The following RTTN variants were observed in gnomAD, a reference collection of about 807,000 sequenced individuals.
The protein encoded by RTTN is rotatin.
RTTN carries 182 observed loss-of-function variants against 269.2 expected under a neutral mutation model. That is an observed-to-expected ratio of 0.68 (90% CI 0.60 to 0.76). RTTN has a LOEUF of 0.76. RTTN is among the 30% of genes least tolerant of loss of function. RTTN has a pLI of 0.00. For missense variants in RTTN, 2,545 were observed against 2,608.6 expected (o/e 0.98, Z 0.53); for synonymous variants, 1,006 against 963.5 (o/e 1.04, Z -0.82).
At chr18:70,076,100 G>A (rs1599408867) in intron 32 of RTTN, among the ~76,000 whole-genome samples, 1 of 151,882 alleles carries the variant, frequency 6.6e-6, no homozygotes, top group Non-Finnish European at 1.5e-5. Context: ...CTGCCACCAG[G>A]AGGCTGAAAA....
intron 36 of RTTN, among the ~76,000 whole-genome samples, chr18:70,059,099 A>G (rs992549584): frequency 1.3e-5 from 2 of 152,164 alleles, no homozygotes; most frequent in East Asian, 3.9e-4. Context: ...ACTGAACACC[A>G]GAAGAAAAGA....
intron 32 of RTTN, among the ~76,000 whole-genome samples, chr18:70,077,248 T>C (rs1271255973): frequency 6.6e-6 from 1 of 152,014 alleles, no homozygotes; most frequent in Non-Finnish European, 1.5e-5. Context: ...TTATGCAATT[T>C]TTCATATTTT....
chr18:70,087,523 C>A (rs1166374723), intron 31 of RTTN, among the ~76,000 whole-genome samples: 1 of 151,762 alleles, frequency 6.6e-6, no homozygotes, highest in Non-Finnish European at 1.5e-5. Context: ...AAACCATTTA[C>A]ATGAATCATT....
chr18:70,044,707 C>T (rs371297901), intron 40 of RTTN, among the ~76,000 whole-genome samples: 1 of 152,122 alleles, frequency 6.6e-6, no homozygotes, highest in African/African-American at 2.4e-5. Context: ...CATCCTTCTT[C>T]GTCTTGTGAT....
chr18:70,044,644 T>A (rs2057441338), intron 40 of RTTN, among the ~76,000 whole-genome samples: 1 of 152,170 alleles, frequency 6.6e-6, no homozygotes, highest in East Asian at 1.9e-4. Flanking sequence ...ATAAAAATTA[T>A]GTGATTGTGG....
At chr18:70,087,064 C>T (rs1327848824) in intron 31 of RTTN, among the ~76,000 whole-genome samples, 1 of 152,026 alleles carries the variant, frequency 6.6e-6, no homozygotes, top group Non-Finnish European at 1.5e-5. Flanking sequence ...CACACACACA[C>T]ACACACAAAC....
At position 70,199,160 on chromosome 18, in the gene RTTN, C is replaced by T. The variant is rs538616231; in HGVS notation, c.578+254G>A. On this transcript the variant is annotated intron_variant, in intron 5 of 48. Transcript: ENST00000640769. The stretch of plus-strand genomic sequence containing the variant: ...CAGATGGTGCCATTGCACTCCAGCC[C>T]GGGTGACAGAGTGAGACTCTGTCTC... Among the ~76,000 whole-genome samples the T allele has an allele frequency of 3.8e-4, 57 of 151,774 alleles. 1 individual carries two copies. In the South Asian group the frequency reaches 8.0e-3, roughly 21 times the overall value.
chr18:70,017,300 G>C, intron 46 of RTTN, 107 bp downstream of exon 46: 1 of 1,082,112 alleles, frequency 9.2e-7, no homozygotes, highest in South Asian at 1.6e-5. Flanking sequence ...TGAACACAGT[G>C]GGTGCTTAAT....
intron 10 of RTTN, among the ~76,000 whole-genome samples, chr18:70,183,639 G>A (rs929153885): frequency 6.6e-6 from 1 of 152,098 alleles, no homozygotes; most frequent in Non-Finnish European, 1.5e-5. Flanking sequence ...ATTCTTTGTT[G>A]TGGTGAGCTG....
chr18:70,193,796 T>A (rs1409404347), intron 7 of RTTN, among the ~76,000 whole-genome samples: 1 of 152,202 alleles, frequency 6.6e-6, no homozygotes, highest in Non-Finnish European at 1.5e-5. Flanking sequence ...TAATTCAAAG[T>A]GGATCAACAA....
intron 28 of RTTN, among the ~76,000 whole-genome samples, chr18:70,105,655 T>C (rs1346566898): frequency 1.3e-5 from 2 of 152,182 alleles, no homozygotes; most frequent in Non-Finnish European, 2.9e-5. Context: ...TTAAAGGGAC[T>C]CCAGTGAAAT....
rs762515749 is a variant in RTTN, at chr18:70,176,864, C to G, written c.1306-19G>C. ...TCTCCTTCTGAAAACATTTACACAA[C>G]ATGAAACAGAAGAAAACAACCAATT... is the stretch of plus-strand genomic sequence containing the variant. On this transcript the variant is annotated intron_variant, in intron 10 of 48. Transcript: ENST00000640769. The G allele has an allele frequency of 2.5e-6, 4 of 1,600,228 alleles. No homozygotes were observed. The highest frequency in any genetic ancestry group is 2.6e-6 in the Non-Finnish European group (3 of 1,172,956).
chr18:70,115,096 T>C (rs757745194), intron 26 of RTTN, among the ~76,000 whole-genome samples: 21 of 152,094 alleles, frequency 1.4e-4, no homozygotes, highest in Non-Finnish European at 2.9e-4. Flanking sequence ...TGATGCATAA[T>C]TTCACTAAGC....
At chr18:70,048,837 G>A (rs1345690807) in intron 39 of RTTN, among the ~76,000 whole-genome samples, 1 of 151,334 alleles carries the variant, frequency 6.6e-6, no homozygotes, top group Non-Finnish European at 1.5e-5. Context: ...AATGTATATG[G>A]GCATATGAGA....
intron 13 of RTTN, 27 bp from the exon 14 acceptor site, chr18:70,166,215 C>T (rs1192130770): frequency 6.2e-7 from 1 of 1,610,222 alleles, no homozygotes. Context: ...ACAACCAAGA[C>T]ATGTGAGGCA....
At chr18:70,074,298 T>A (rs886451948) in intron 33 of RTTN, among the ~76,000 whole-genome samples, 18 of 152,070 alleles carry the variant, frequency 1.2e-4, no homozygotes, top group African/African-American at 4.3e-4. Flanking sequence ...TCACAGAAGA[T>A]GCCAATGCTG....
intron 23 of RTTN, among the ~76,000 whole-genome samples, chr18:70,132,258 A>G (rs932458345): frequency 1.3e-5 from 2 of 152,082 alleles, no homozygotes; most frequent in Non-Finnish European, 2.9e-5. Flanking sequence ...ATAATAAAGT[A>G]GACACAGGGA....
chr18:70,194,226 T>C (rs748760866), intron 7 of RTTN: 1 of 152,190 alleles, frequency 6.6e-6, no homozygotes, highest in Non-Finnish European at 1.5e-5. Context: ...TTTAGAGAAA[T>C]GCAAATCAAA....
At chr18:70,039,142 G>T (rs915200422) in intron 40 of RTTN, among the ~76,000 whole-genome samples, 1 of 152,082 alleles carries the variant, frequency 6.6e-6, no homozygotes, top group African/African-American at 2.4e-5. Context: ...GTGGTAGAAA[G>T]TTTATTCAAA....
Sources: gnomAD v4.1 joint callset for allele counts (sites outside exome capture counted in the v4.1 genomes callset) on GRCh38, gnomAD v4.1.1 for gene constraint, MANE v1.5 for transcripts, NCBI Gene and HGNC (gene_info 2026-07-23, HGNC 2026-07-21) for gene names.